Variants in ETV1 observed in about 807,000 individuals in gnomAD.
ETV1 encodes ETS variant transcription factor 1.
A neutral mutation model predicts 62.3 loss-of-function variants in ETV1; 27 were observed. The observed-to-expected ratio is 0.43, with a 90% CI of 0.32 to 0.60. The LOEUF (loss-of-function observed/expected upper bound fraction) is 0.60, where lower values mean the gene tolerates loss of function less well. ETV1 is among the 20% of genes least tolerant of loss of function. The pLI, the probability that ETV1 is intolerant of heterozygous loss-of-function variation, is 0.06. For missense variants in ETV1, 605 were observed against 605.8 expected (o/e 1.00, Z 0.01); for synonymous variants, 222 against 199.6 (o/e 1.11, Z -0.94).
chr7:13,899,395 G>T (rs1782178130), intron 13 of ETV1, among the ~76,000 whole-genome samples: 1 of 152,138 alleles, frequency 6.6e-6, no homozygotes, highest in South Asian at 2.1e-4. Flanking sequence ...TTTCTTTTAA[G>T]GATCATGGAA....
At chr7:13,946,780 T>A (rs1788214935) in intron 6 of ETV1, among the ~76,000 whole-genome samples, 1 of 152,152 alleles carries the variant, frequency 6.6e-6, no homozygotes, top group Non-Finnish European at 1.5e-5. Context: ...CTTATTTTAT[T>A]TATTTATTCA....
intron 3 of ETV1, chr7:13,988,679 C>G: frequency 6.2e-7 from 1 of 1,606,964 alleles, no homozygotes; most frequent in South Asian, 1.1e-5. Flanking sequence ...TTTGTCTCAA[C>G]TTCATTCTTT....
intron 10 of ETV1, 144 bp from the exon 11 acceptor site, chr7:13,909,844 A>T (rs1783385488): frequency 1.5e-6 from 1 of 673,680 alleles, no homozygotes; most frequent in South Asian, 1.9e-5. Context: ...CACATTATTT[A>T]ACCTCTGTGC....
At position 13,895,413 on chromosome 7, in the gene ETV1, CAT is replaced by C. The variant is rs1781674334; in HGVS notation, c.*451_*452del. 9 of 239,070 alleles carry C rather than the reference CAT, an allele frequency of 3.8e-5. No individual in the cohort carries two copies. The East Asian group carries it at 5.3e-4, about 14-fold the overall frequency. The allele number at this position is 239,070 out of a possible 1,614,324, so 14.8% of individuals were successfully genotyped here. ...GTTTTTTTGTACACCTGCAGAGACT[CAT>C]AAATGACAGGGGAAAATGCCCAAGG... is the stretch of plus-strand genomic sequence containing the variant. On this transcript the variant is annotated 3_prime_UTR_variant, in exon 14 of 14. Coordinates refer to ENST00000430479, the MANE Select transcript of ETV1 (RefSeq NM_004956.5).
rs1456705573 is a variant in ETV1 at position 13,891,623 on chromosome 7, G to A, written c.*4243C>T. 1 of 230,946 alleles carries A rather than the reference G, an allele frequency of 4.3e-6. No homozygotes were observed. The highest frequency in any genetic ancestry group is 6.2e-5 in the East Asian group (1 of 16,200). 14.3% of individuals were successfully genotyped at this position (230,946 alleles called of 1,614,324 possible). ...GAGTCTCATGTATATAAAAAAAGAA[G>A]TCCTAAAAGTACTAGTTGAGCTCTG... On this transcript the variant is annotated 3_prime_UTR_variant, in exon 14 of 14. Transcript: ENST00000430479.
At chr7:13,929,775 T>C (rs1044806895) in intron 9 of ETV1, among the ~76,000 whole-genome samples, 1 of 152,136 alleles carries the variant, frequency 6.6e-6, no homozygotes, top group South Asian at 2.1e-4. Flanking sequence ...CTTGCATGCT[T>C]TCTAGAAGTT....
At chr7:13,925,933 T>A (rs1026088121) in intron 9 of ETV1, among the ~76,000 whole-genome samples, 10 of 152,104 alleles carry the variant, frequency 6.6e-5, no homozygotes, top group African/African-American at 2.4e-4. Flanking sequence ...ATATAAAATA[T>A]TAATACTTCA....
Position 13,931,585 on chromosome 7 carries a change from G to C in ETV1, c.719C>G (p.Thr240Ser). The C allele has an allele frequency of 1.2e-6, 2 of 1,614,046 alleles. No homozygotes were observed. Among genetic ancestry groups the C allele is most frequent in the South Asian group, 2.2e-5 (2 of 91,088 alleles). ...EYHDPVYEHNTMVGSAASQSF... is the reference protein window; with the variant it reads ...EYHDPVYEHNSMVGSAASQSF... The stretch of plus-strand genomic sequence containing the variant: ...TTGGCTGGCCGCACTGCCAACCATG[G>C]TGTTGTGTTCATACACTGGGTCGTG... Residue 240 changes from threonine to serine, a missense_variant, in exon 9 of 14, where the codon ACC (threonine) becomes AGC (serine). By Grantham distance (58) the Thr-to-Ser change is moderately conservative. Transcript: ENST00000430479.
At chr7:13,915,991 T>C (rs1170556621) in intron 9 of ETV1, among the ~76,000 whole-genome samples, 1 of 151,816 alleles carries the variant, frequency 6.6e-6, no homozygotes, top group Non-Finnish European at 1.5e-5. Flanking sequence ...GATGTGAATG[T>C]AACATCTTAG....
At chr7:13,965,283 T>A (rs1371487049) in intron 6 of ETV1, among the ~76,000 whole-genome samples, 1 of 152,228 alleles carries the variant, frequency 6.6e-6, no homozygotes, top group Non-Finnish European at 1.5e-5. Context: ...GAACACCATG[T>A]CCTCCCATCT....
chr7:13,920,737 C>A (rs1261481399), intron 9 of ETV1, among the ~76,000 whole-genome samples: 1 of 152,062 alleles, frequency 6.6e-6, no homozygotes, highest in Non-Finnish European at 1.5e-5. Flanking sequence ...CTTACTGTAA[C>A]TGTAGATTTA....
chr7:13,920,013 G>A (rs1382536915), intron 9 of ETV1, among the ~76,000 whole-genome samples: 1 of 151,966 alleles, frequency 6.6e-6, no homozygotes, highest in African/African-American at 2.4e-5. Context: ...CTTGAAATAA[G>A]CAGTTCTGGG....
At chr7:13,925,476 G>A (rs1160517812) in intron 9 of ETV1, among the ~76,000 whole-genome samples, 2 of 152,098 alleles carry the variant, frequency 1.3e-5, no homozygotes, top group East Asian at 1.9e-4. Flanking sequence ...CGCTTACAAC[G>A]TGTGAGACTA....
chr7:13,963,531 CA>C (rs11303542), intron 6 of ETV1, among the ~76,000 whole-genome samples: 28,394 of 105,022 alleles, frequency 0.27, 4,630 homozygotes, highest in African/African-American at 0.52. Flanking sequence ...CCAATCTTGG[CA>C]AAAAAAAAAA....
intron 6 of ETV1, among the ~76,000 whole-genome samples, chr7:13,961,744 T>C (rs144596569): frequency 7.2e-4 from 110 of 152,302 alleles, no homozygotes; most frequent in African/African-American, 2.4e-3. Context: ...ACTGATCCTA[T>C]AGTAGGGTCT....
intron 13 of ETV1, among the ~76,000 whole-genome samples, chr7:13,896,693 A>AAAGAAAG (rs1781817348): frequency 1.4e-5 from 2 of 139,384 alleles, no homozygotes; most frequent in African/African-American, 2.8e-5. Flanking sequence ...GAAAGAAAAG[A>AAAGAAAG]GAGAGAGAAA....
At chr7:13,903,127 G>C (rs1782602592) in intron 12 of ETV1, among the ~76,000 whole-genome samples, 1 of 152,104 alleles carries the variant, frequency 6.6e-6, no homozygotes, top group African/African-American at 2.4e-5. Context: ...TCAAAGTCAA[G>C]GCATAGTTTC....
upstream of ETV1, chr7:13,990,509 T>A (rs1647767012): frequency 6.6e-6 from 1 of 152,268 alleles, no homozygotes; most frequent in Non-Finnish European, 1.5e-5. Context: ...GCACGTTTCC[T>A]GAGCTTTTGT....
rs1177474829 is a variant in ETV1, at chr7:13,977,420, T to C, written c.235+7A>G. On this transcript the variant is annotated splice_region_variant and intron_variant, in intron 6 of 13. Coordinates refer to ENST00000430479, the MANE Select transcript of ETV1 (RefSeq NM_004956.5). ...AAAATACAAGAGATGAGTCATACTA[T>C]ACTTACAACTTTCAGCCTGATAGTC... 1 of 1,518,492 alleles carries C rather than the reference T, an allele frequency of 6.6e-7. No individual in the cohort carries two copies. The highest frequency in any genetic ancestry group is 1.4e-5 in the African/African-American group (1 of 72,300). The allele number at this position is 1,518,492 out of a possible 1,614,324, so 94.1% of individuals were successfully genotyped here.
Sources: allele counts gnomAD v4.1 joint callset (sites outside exome capture counted in the v4.1 genomes callset), GRCh38; gene constraint gnomAD v4.1.1; transcripts MANE v1.5; gene names NCBI Gene and HGNC (gene_info 2026-07-23, HGNC 2026-07-21).